The following RPH3A variants were observed in gnomAD, a reference collection of about 807,000 sequenced individuals.
RPH3A encodes rabphilin 3A.
A neutral mutation model predicts 102.2 loss-of-function variants in RPH3A; 48 were observed. That is an observed-to-expected ratio of 0.47 (90% CI 0.37 to 0.60). The LOEUF is 0.60. RPH3A is among the 20% of genes least tolerant of loss of function. RPH3A has a pLI of 0.00. For missense variants in RPH3A, 781 were observed against 910.1 expected, an observed-to-expected ratio of 0.86 and a Z score of 1.83; for synonymous variants, 310 against 324.3, an observed-to-expected ratio of 0.96 and a Z score of 0.47.
At chr12:112,857,484 G>A (rs2136205429) in intron 5 of RPH3A, among the ~76,000 whole-genome samples, 1 of 152,250 alleles carries the variant, frequency 6.6e-6, no homozygotes, top group African/African-American at 2.4e-5. Flanking sequence ...CAGAGTCACG[G>A]AGAGATTAAA....
chr12:112,587,067 A>G (rs1165003618), intron 1 of RPH3A, among the ~76,000 whole-genome samples: 1 of 152,214 alleles, frequency 6.6e-6, no homozygotes, highest in African/African-American at 2.4e-5. Context: ...GGTTTTGATG[A>G]AGAAGAATAC....
chr12:112,843,043 C>T (rs1374174374), intron 4 of RPH3A, among the ~76,000 whole-genome samples: 1 of 152,180 alleles, frequency 6.6e-6, no homozygotes, highest in Non-Finnish European at 1.5e-5. Flanking sequence ...ATACAATTCT[C>T]TAACTTGTCC....
intron 4 of RPH3A, among the ~76,000 whole-genome samples, chr12:112,844,716 A>G (rs1045581804): frequency 2.0e-5 from 3 of 152,234 alleles, no homozygotes; most frequent in Non-Finnish European, 4.4e-5. Flanking sequence ...ATCCTGCTGG[A>G]CTGGGTTTCC....
intron 3 of RPH3A, among the ~76,000 whole-genome samples, chr12:112,835,232 C>T (rs1441174554): frequency 6.6e-6 from 1 of 152,194 alleles, no homozygotes; most frequent in African/African-American, 2.4e-5. Context: ...TAGGAAATTG[C>T]TAGTTTCCAA....
chr12:112,794,679 AC>A (rs1056212229), intron 2 of RPH3A, among the ~76,000 whole-genome samples: 2 of 151,718 alleles, frequency 1.3e-5, no homozygotes, highest in Non-Finnish European at 2.9e-5. Context: ...CCATGTGAGC[AC>A]CCCCCCAAGT....
upstream of RPH3A, among the ~76,000 whole-genome samples, chr12:112,789,020 G>A (rs530444025): frequency 2.6e-5 from 4 of 152,260 alleles, no homozygotes; most frequent in South Asian, 2.1e-4. Context: ...TTAGCCAGGC[G>A]TGGGGCGCAT....
At chr12:112,834,244 G>A (rs1388902903) in intron 3 of RPH3A, among the ~76,000 whole-genome samples, 1 of 152,098 alleles carries the variant, frequency 6.6e-6, no homozygotes, top group African/African-American at 2.4e-5. Context: ...TTTTACAAGG[G>A]AGCTGTCTGT....
intron 5 of RPH3A, among the ~76,000 whole-genome samples, chr12:112,848,134 G>T (rs2042262403): frequency 6.6e-6 from 1 of 152,142 alleles, no homozygotes; most frequent in African/African-American, 2.4e-5. Context: ...AGGGGGAGGG[G>T]TCTTGTGATA....
chr12:112,743,004 A>G (rs893735722), intron 1 of RPH3A, among the ~76,000 whole-genome samples: 5 of 151,776 alleles, frequency 3.3e-5, no homozygotes, highest in Middle Eastern at 3.4e-3. Flanking sequence ...TATCCCTCCA[A>G]CCTCTTGCTT....
intron 5 of RPH3A, among the ~76,000 whole-genome samples, chr12:112,850,280 CAAAGTACATGCTTAATA>C (rs1258625375): frequency 2.0e-5 from 3 of 151,588 alleles, no homozygotes; most frequent in Non-Finnish European, 4.4e-5. Context: ...GTGAGTTGTA[CAAAGTACATGCTTAATA>C]AATAATGGCA....
chr12:112,611,669 C>T (rs1354751328), intron 1 of RPH3A, among the ~76,000 whole-genome samples: 1 of 152,132 alleles, frequency 6.6e-6, no homozygotes, highest in African/African-American at 2.4e-5. Flanking sequence ...TGGTCTTGAA[C>T]TCCTGACTTC....
chr12:112,797,112 G>A (rs990738976), intron 2 of RPH3A, among the ~76,000 whole-genome samples: 10 of 152,126 alleles, frequency 6.6e-5, no homozygotes, highest in Non-Finnish European at 1.0e-4. Context: ...GTGATCTTTG[G>A]TGGGGGGCTG....
At chr12:112,684,942 C>A (rs767308849) in intron 1 of RPH3A, among the ~76,000 whole-genome samples, 4 of 152,142 alleles carry the variant, frequency 2.6e-5, no homozygotes, top group Non-Finnish European at 5.9e-5. Context: ...GTGGAAGGGA[C>A]AAACAGGCTC....
At chr12:112,664,403 G>C (rs1166093252) in intron 1 of RPH3A, among the ~76,000 whole-genome samples, 1 of 152,162 alleles carries the variant, frequency 6.6e-6, no homozygotes, top group African/African-American at 2.4e-5. Flanking sequence ...TTGGAGAATG[G>C]GCAGAACTGG....
chr12:112,592,779 C>G (rs537489646), intron 1 of RPH3A, among the ~76,000 whole-genome samples: 1 of 152,244 alleles, frequency 6.6e-6, no homozygotes, highest in African/African-American at 2.4e-5. Context: ...CTCAGGTGGT[C>G]CCGGCACTTC....
At chr12:112,607,531 T>C (rs909237690) in intron 1 of RPH3A, among the ~76,000 whole-genome samples, 3 of 152,234 alleles carry the variant, frequency 2.0e-5, no homozygotes, top group Non-Finnish European at 2.9e-5. Context: ...TGCAGTTTTA[T>C]GTTAATTGGA....
At chr12:112,607,188 A>T (rs2039602851) in intron 1 of RPH3A, among the ~76,000 whole-genome samples, 1 of 152,220 alleles carries the variant, frequency 6.6e-6, no homozygotes, top group Non-Finnish European at 1.5e-5. Context: ...TCTTGGGGCT[A>T]CTTTCATTTG....
At chr12:112,863,248 G>A (rs138378460) in intron 5 of RPH3A, among the ~76,000 whole-genome samples, 9 of 152,308 alleles carry the variant, frequency 5.9e-5, no homozygotes, top group Non-Finnish European at 1.2e-4. Flanking sequence ...ACAGATCCCC[G>A]TGTCATCTGC....
intron 1 of RPH3A, among the ~76,000 whole-genome samples, chr12:112,620,019 G>A (rs574912541): frequency 1.3e-5 from 2 of 152,334 alleles, no homozygotes; most frequent in African/African-American, 4.8e-5. Context: ...CAAGTAGCAA[G>A]TGAAGTCACC....
Sources: gnomAD v4.1 joint callset for allele counts (sites outside exome capture counted in the v4.1 genomes callset) on GRCh38, gnomAD v4.1.1 for gene constraint, MANE v1.5 for transcripts, NCBI Gene and HGNC (gene_info 2026-07-23, HGNC 2026-07-21) for gene names.